PDZD2: variants seen among roughly 807,000 people sequenced by gnomAD.
PDZD2 encodes PDZ domain-containing protein 2.
In PDZD2, 90 loss-of-function variants were observed where a neutral mutation model predicts 220.7. That is an observed-to-expected ratio of 0.41 (90% CI 0.34 to 0.49). PDZD2 has a LOEUF of 0.49. Among genes scored for constraint, PDZD2 ranks in the 20% least tolerant of loss-of-function variants. The probability of loss-of-function intolerance (pLI) is 0.28; values close to 1 mark genes in which losing one functional copy is unlikely to be tolerated. For missense variants in PDZD2, 3,174 were observed against 3,608.5 expected (o/e 0.88, Z 3.08); for synonymous variants, 1,375 against 1,450.5 (o/e 0.95, Z 1.18).
At chr5:31,640,851 G>A (rs954805262) in intron 1 of PDZD2, among the ~76,000 whole-genome samples, 2 of 151,708 alleles carry the variant, frequency 1.3e-5, no homozygotes, top group African/African-American at 4.8e-5. Context: ...GTGTGAGTGA[G>A]TGTGTGTGTT....
At chr5:31,850,502 A>C (rs558848540) in intron 2 of PDZD2, among the ~76,000 whole-genome samples, 1 of 151,986 alleles carries the variant, frequency 6.6e-6, no homozygotes, top group East Asian at 1.9e-4. Flanking sequence ...CTTCTGCTTA[A>C]ACATGCAAAA....
chr5:32,017,276 A>G (rs1240044655), intron 6 of PDZD2, among the ~76,000 whole-genome samples: 1 of 152,088 alleles, frequency 6.6e-6, no homozygotes, highest in Non-Finnish European at 1.5e-5. Flanking sequence ...ATCTCTACTA[A>G]AAATACAAAA....
At position 31,945,598 on chromosome 5, in the gene PDZD2, TAG is replaced by T. The variant is rs986190057; in HGVS notation, c.477-37555_477-37554del. Among the ~76,000 whole-genome samples, 25 of 152,126 alleles carry T rather than the reference TAG, an allele frequency of 1.6e-4. 2 individuals are homozygous for T. Among genetic ancestry groups the T allele is most frequent in the Non-Finnish European group, 1.5e-5 (1 of 68,012 alleles). ...ATTCTGTCTTTGGGTTTGGCTTTAC[TAG>T]ATTCCCTTGAGAAACTCTCCCTCAA... On this transcript the variant is annotated intron_variant, in intron 2 of 24. Transcript: ENST00000438447.
At chr5:31,663,639 G>T (rs1008588082) in intron 1 of PDZD2, among the ~76,000 whole-genome samples, 2 of 152,190 alleles carry the variant, frequency 1.3e-5, no homozygotes, top group African/African-American at 4.8e-5. Context: ...TGACTCACGG[G>T]TGAGATCATG....
chr5:31,899,136 G>A (rs1418306015), intron 2 of PDZD2, among the ~76,000 whole-genome samples: 1 of 150,310 alleles, frequency 6.7e-6, no homozygotes, highest in Non-Finnish European at 1.5e-5. Flanking sequence ...CTCTTTGTTT[G>A]TTTGTTTTGA....
intron 2 of PDZD2, chr5:31,855,075 C>T (rs1346508009): frequency 2.0e-6 from 2 of 985,484 alleles, no homozygotes; most frequent in Non-Finnish European, 2.4e-6. Flanking sequence ...GGAGACCGGC[C>T]TGGCGAGCGG....
chr5:31,691,205 A>G (rs1184009891), intron 1 of PDZD2, among the ~76,000 whole-genome samples: 1 of 149,906 alleles, frequency 6.7e-6, no homozygotes, highest in Non-Finnish European at 1.5e-5. Flanking sequence ...GAAGCTGCAG[A>G]CCTTCGCGGT....
rs950815851 is a variant in PDZD2, at chr5:31,920,507, A to T, written c.477-62648A>T. Among the ~76,000 whole-genome samples, 41 of 31,870 alleles carry T rather than the reference A, an allele frequency of 1.3e-3. 1 individual carries two copies. The highest frequency in any genetic ancestry group is 0.013 in the East Asian group (2 of 160). The allele number at this position is 31,870 out of a possible 152,430, so 20.9% of individuals were successfully genotyped here. ...GGTTCGCTCTTGGTGTTATATATTT[A>T]AAAAAAAAAAAAAAAAAGTCCAGGC... On this transcript the variant is annotated intron_variant, in intron 2 of 24. Coordinates refer to ENST00000438447, the MANE Select transcript of PDZD2 (RefSeq NM_178140.4).
chr5:31,640,527 T>C (rs1352140198), intron 1 of PDZD2, among the ~76,000 whole-genome samples: 1 of 152,214 alleles, frequency 6.6e-6, no homozygotes, highest in Non-Finnish European at 1.5e-5. Flanking sequence ...GTGGCTGCAG[T>C]AAGTGATGCC....
At chr5:31,991,345 G>T (rs1561282367) in intron 3 of PDZD2, among the ~76,000 whole-genome samples, 1 of 152,176 alleles carries the variant, frequency 6.6e-6, no homozygotes. Flanking sequence ...GAGAGGAGAA[G>T]GCCAAAGTCG....
intron 2 of PDZD2, among the ~76,000 whole-genome samples, chr5:31,978,064 T>A (rs1216483003): frequency 6.6e-6 from 1 of 152,226 alleles, no homozygotes; most frequent in Non-Finnish European, 1.5e-5. Flanking sequence ...CCATTTGTCT[T>A]AAAGTCATCC....
chr5:31,977,475 G>A (rs150302842), intron 2 of PDZD2, among the ~76,000 whole-genome samples: 2,217 of 152,196 alleles, frequency 0.015, 54 homozygotes, highest in African/African-American at 0.051. Context: ...ACTCCAGGCA[G>A]CTTTATTCCT....
In PDZD2 at chr5:32,057,658, A is replaced by C; in HGVS notation, c.1904A>C (p.Asp635Ala). 6.4e-7 allele frequency: 1 copy of C among 1,564,060 alleles called. No individual in the cohort carries two copies. Among genetic ancestry groups the C allele is most frequent in the South Asian group, 1.1e-5 (1 of 87,952 alleles). ...AAEDGRLKEG[D>A]EILDVNGIPI... ...AATTCTCACATTTGATCACTAGGGG[A>C]TGAAATCCTAGATGTAAATGGAATA... is the stretch of plus-strand genomic sequence containing the variant. The change falls in exon 11 of 25, where the codon GAT becomes GCT. Residue 635 changes from aspartate (D) to alanine (A), a missense_variant. By Grantham distance (126) the Asp-to-Ala change is moderately radical. Around this residue, in one of 4 missense-constraint regions of PDZD2, gnomAD observed 50 missense variants for 109.5 expected, o/e 0.46. Transcript: ENST00000438447.
At chr5:31,845,021 A>G (rs929784495) in intron 2 of PDZD2, among the ~76,000 whole-genome samples, 2 of 152,206 alleles carry the variant, frequency 1.3e-5, no homozygotes, top group African/African-American at 4.8e-5. Flanking sequence ...CGAGACTGTG[A>G]AAGGTAGAAA....
intron 1 of PDZD2, among the ~76,000 whole-genome samples, chr5:31,781,571 T>C (rs1299475745): frequency 6.6e-6 from 1 of 152,206 alleles, no homozygotes; most frequent in Non-Finnish European, 1.5e-5. Flanking sequence ...GTTAGCTGCT[T>C]AAATTCATTC....
At chr5:32,039,231 G>A (rs899005055) in intron 7 of PDZD2, among the ~76,000 whole-genome samples, 7 of 151,756 alleles carry the variant, frequency 4.6e-5, no homozygotes, top group African/African-American at 9.7e-5. Context: ...TCGGCCTGCC[G>A]AGTGCCTGGG....
intron 1 of PDZD2, among the ~76,000 whole-genome samples, chr5:31,705,813 G>T (rs189571314): frequency 1.2e-3 from 181 of 152,364 alleles, no homozygotes; most frequent in African/African-American, 4.2e-3. Context: ...ACTTTGGGAG[G>T]CTGAGTTGGG....
At chr5:31,651,124 C>T (rs906226877) in intron 1 of PDZD2, among the ~76,000 whole-genome samples, 1 of 31,708 alleles carries the variant, frequency 3.2e-5, no homozygotes, top group Admixed American at 4.8e-4. Context: ...CATCAGCATC[C>T]CGTAAGTAAA....
intron 1 of PDZD2, among the ~76,000 whole-genome samples, chr5:31,670,795 G>A (rs1185480354): frequency 1.3e-5 from 2 of 152,118 alleles, no homozygotes; most frequent in African/African-American, 4.8e-5. Context: ...CAGAAATGAG[G>A]AGGAAGAGGG....
Sources: gnomAD v4.1 joint callset for allele counts (sites outside exome capture counted in the v4.1 genomes callset) on GRCh38, gnomAD v4.1.1 for gene constraint, gnomAD v4.1.1 regional missense constraint, MANE v1.5 for transcripts, NCBI Gene and HGNC (gene_info 2026-07-23, HGNC 2026-07-21) for gene names.